The following ARFIP2 variants were observed in gnomAD, a reference collection of about 807,000 sequenced individuals.
The protein encoded by ARFIP2 is arfaptin-2.
A neutral mutation model predicts 39.2 loss-of-function variants in ARFIP2; 14 were observed. The observed-to-expected ratio is 0.36, with a 90% CI of 0.24 to 0.56. The LOEUF (loss-of-function observed/expected upper bound fraction) is 0.56. Ranked by LOEUF, ARFIP2 falls within the 20% of genes least tolerant of loss-of-function variation. The pLI is 0.85. For synonymous variants in ARFIP2, 167 were observed against 172.4 expected (o/e 0.97, Z 0.24); for missense variants, 305 against 422.5 (o/e 0.72, Z 2.44).
Position 6,480,435 on chromosome 11 carries a change from A to G in ARFIP2, c.-14T>C. 1.9e-6 allele frequency: 3 copies of G among 1,600,462 alleles called. No homozygotes were observed. Among genetic ancestry groups the G allele is most frequent in the Non-Finnish European group, 2.6e-6 (3 of 1,173,084 alleles). On this transcript the variant is annotated 5_prime_UTR_variant, in exon 2 of 8. Coordinates refer to ENST00000396777, the MANE Select transcript of ARFIP2 (RefSeq NM_001376558.2). ...CCCGTCCGTCATGGCTAGGAAAGGT[A>G]TTGGAGTAAAACTCTCCACCCCAGC...
chr11:6,477,330 C>A lies in ARFIP2; in HGVS notation c.871-62G>T. 6.4e-7 allele frequency: 1 copy of A among 1,558,076 alleles called. No homozygotes were observed. The highest frequency in any genetic ancestry group is 8.7e-7 in the Non-Finnish European group (1 of 1,151,308). ...GGCGCCCTTCTTGAGGGTCTATGAG[C>A]CTGAGCCCAGGCACAGACCAGGGGC... On this transcript the variant is annotated intron_variant, in intron 7 of 7. Coordinates refer to ENST00000396777, the MANE Select transcript of ARFIP2 (RefSeq NM_001376558.2). The surrounding 1 kb of genome is among the most constrained non-coding windows in gnomAD (Gnocchi z 4.8).
In ARFIP2 at chr11:6,477,044, C is replaced by T; in HGVS notation, c.*69G>A. Reference sequence around the variant, plus strand: ...CAAGTGACAAAGGATGTACCATGTCCAATCTCCCACACCCTGGGGCTGCCC... The same window carrying T: ...CAAGTGACAAAGGATGTACCATGTCTAATCTCCCACACCCTGGGGCTGCCC... On this transcript the variant is annotated 3_prime_UTR_variant, in exon 8 of 8. Transcript: ENST00000396777. The surrounding 1 kb of genome is among the most constrained non-coding windows in gnomAD (Gnocchi z 4.8). The T allele has an allele frequency of 2.7e-6, 4 of 1,500,890 alleles. No individual in the cohort carries two copies. The highest frequency in any genetic ancestry group is 3.6e-6 in the Non-Finnish European group (4 of 1,115,862). 93.0% of individuals were successfully genotyped at this position (1,500,890 alleles called of 1,614,324 possible). A position where few individuals can be genotyped will look rare whatever the true frequency, so the allele number is the denominator to read the frequency against.
chr11:6,478,118 AAAG>A lies in ARFIP2; in HGVS notation c.615_617del (p.Phe206del). On this transcript the variant is annotated inframe_deletion, in exon 6 of 8. Coordinates refer to ENST00000396777, the MANE Select transcript of ARFIP2 (RefSeq NM_001376558.2). This position sits in a 1 kb window ranked among gnomAD's most constrained non-coding sequence, Gnocchi z 4.8. ...TGACCAATGTGTTGATGCTAGAGAC[AAAG>A]AAGTTCACGGCTCCTAGCAGCGTTT... The A allele has an allele frequency of 6.2e-7, 1 of 1,614,048 alleles. No individual in the cohort carries two copies. Among genetic ancestry groups the A allele is most frequent in the East Asian group, 2.2e-5 (1 of 44,878 alleles).
At position 6,476,990 on chromosome 11, in the gene ARFIP2, A is replaced by G; in HGVS notation, c.*123T>C. ...GTGGGCAAAACTGGTGTCAGGCCCC[A>G]GCCAGAAAAAGGAGCCCAAGCCAGA... On this transcript the variant is annotated 3_prime_UTR_variant, in exon 8 of 8. Coordinates refer to ENST00000396777, the MANE Select transcript of ARFIP2 (RefSeq NM_001376558.2). The G allele has an allele frequency of 6.6e-6, 8 of 1,215,868 alleles. No homozygotes were observed. Among genetic ancestry groups the G allele is most frequent in the Non-Finnish European group, 8.9e-6 (8 of 896,014 alleles). 75.3% of individuals were successfully genotyped at this position (1,215,868 alleles called of 1,614,324 possible).
At chr11:6,481,203 T>C in intron 1 of ARFIP2, 28 bp downstream of exon 1, 1 of 551,182 alleles carries the variant, frequency 1.8e-6, no homozygotes, top group Non-Finnish European at 3.2e-6. Flanking sequence ...GCGTTCAACT[T>C]CCCGTCGCCC....
rs997636429 is a variant in ARFIP2, at chr11:6,478,285, G to A, written c.538-87C>T. The A allele has an allele frequency of 8.6e-6, 13 of 1,514,614 alleles. No individual in the cohort carries two copies. In the African/African-American group the frequency reaches 9.6e-5, roughly 11 times the overall value. 93.8% of individuals were successfully genotyped at this position (1,514,614 alleles called of 1,614,324 possible). A position where few individuals can be genotyped will look rare whatever the true frequency, so the allele number is the denominator to read the frequency against. On this transcript the variant is annotated intron_variant, in intron 5 of 7. Transcript: ENST00000396777. The surrounding 1 kb of genome is among the most constrained non-coding windows in gnomAD (Gnocchi z 4.8). ...GCCCTTCATTCCCCTCCTCCCCGGG[G>A]AGGACACAGCCAGCAAAACTGGAAC...
chr11:6,478,135 C>G lies in ARFIP2; in HGVS notation c.601G>C (p.Gly201Arg). The G allele has an allele frequency of 6.2e-7, 1 of 1,614,122 alleles. No homozygotes were observed. The highest frequency in any genetic ancestry group is 8.5e-7 in the Non-Finnish European group (1 of 1,180,016). The change falls in exon 6 of 8, where the codon GGA becomes CGA. Residue 201 changes from glycine (G) to arginine (R), a missense_variant. This residue lies in a region of ARFIP2 where 42 missense variants were observed against 101.2 expected (regional missense o/e 0.42). Transcript: ENST00000396777. The surrounding 1 kb of genome is among the most constrained non-coding windows in gnomAD (Gnocchi z 4.8). ...LLCKNGETLL[G>R]AVNFFVSSIN... ...CTAGAGACAAAGAAGTTCACGGCTC[C>G]TAGCAGCGTTTCCCCATTCTTGCAT...
chr11:6,478,957 G>A lies in ARFIP2; in HGVS notation c.318C>T (p.Cys106=), dbSNP rs770112599. ...ATCGTTCTGATAACAGTTGCTTTGT[G>A]CACTGATTGGGAAATGGGGGAATAA... The part of the protein sequence containing the change: ...VKKWGINTYK[C]TKQLLSERFG... Residue 106 remains cysteine (C), a splice_region_variant and synonymous_variant, in exon 5 of 8, where the codon TGC becomes TGT. Transcript: ENST00000396777. This position sits in a 1 kb window ranked among gnomAD's most constrained non-coding sequence, Gnocchi z 4.8. The A allele has an allele frequency of 2.5e-6, 4 of 1,613,832 alleles. No homozygotes were observed. The South Asian group carries it at 4.4e-5, about 18-fold the overall frequency.
At position 6,478,795 on chromosome 11, in the gene ARFIP2, G is replaced by A; in HGVS notation, c.480C>T (p.Thr160=). ...LTAHLYSLLQ[T]QHALGDAFAD... ...CAAAGGCATCACCCAGTGCATGCTG[G>A]GTCTGCAGCAGGCTGTAGAGGTGGG... The change falls in exon 5 of 8, where the codon ACC becomes ACT. Residue 160 remains threonine, a synonymous_variant. Coordinates refer to ENST00000396777, the MANE Select transcript of ARFIP2 (RefSeq NM_001376558.2). This position sits in a 1 kb window ranked among gnomAD's most constrained non-coding sequence, Gnocchi z 4.8. The A allele has an allele frequency of 6.2e-7, 1 of 1,614,102 alleles. No homozygotes were observed. The highest frequency in any genetic ancestry group is 8.5e-7 in the Non-Finnish European group (1 of 1,179,974).
chr11:6,480,861 C>A, intron 1 of ARFIP2: 1 of 172,042 alleles, frequency 5.8e-6, no homozygotes, highest in Non-Finnish European at 1.2e-5. Flanking sequence ...GGGCTCAGGT[C>A]TTCACCCCCC....
chr11:6,480,217 G>T, intron 2 of ARFIP2, 106 bp downstream of exon 2: 1 of 1,294,478 alleles, frequency 7.7e-7, no homozygotes, highest in East Asian at 2.4e-5. Context: ...AAGAATGAAG[G>T]GAGTCAGATA....
chr11:6,479,702 G>A, intron 3 of ARFIP2: 1 of 549,338 alleles, frequency 1.8e-6, no homozygotes, highest in Non-Finnish European at 3.2e-6. Flanking sequence ...CTGTAGAGGG[G>A]GGGCATTCCT....
Position 6,478,801 on chromosome 11 carries a change from C to T in ARFIP2, c.474G>A (p.Leu158=). The T allele has an allele frequency of 1.2e-6, 2 of 1,614,166 alleles. No homozygotes were observed. The highest frequency in any genetic ancestry group is 1.7e-6 in the Non-Finnish European group (2 of 1,180,006). The part of the protein sequence containing the change: ...RALTAHLYSL[L]QTQHALGDAF... ...CATCACCCAGTGCATGCTGGGTCTGCAGCAGGCTGTAGAGGTGGGCTGTCA... is the reference window on the plus strand; with the variant it reads ...CATCACCCAGTGCATGCTGGGTCTGTAGCAGGCTGTAGAGGTGGGCTGTCA... Residue 158 remains leucine, a synonymous_variant, in exon 5 of 8, where the codon CTG becomes CTA. Transcript: ENST00000396777. The surrounding 1 kb of genome is among the most constrained non-coding windows in gnomAD (Gnocchi z 4.8).
Position 6,480,179 on chromosome 11 carries a change from T to C in ARFIP2, c.100-111A>G, listed in dbSNP as rs375627486. 19 of 1,282,926 alleles carry C rather than the reference T, an allele frequency of 1.5e-5. No individual in the cohort carries two copies. The African/African-American group carries it at 2.4e-4, about 16-fold the overall frequency. 79.5% of individuals were successfully genotyped at this position (1,282,926 alleles called of 1,614,324 possible). A position where few individuals can be genotyped will look rare whatever the true frequency, so the allele number is the denominator to read the frequency against. On this transcript the variant is annotated intron_variant, in intron 2 of 7. Transcript: ENST00000396777. The stretch of plus-strand genomic sequence containing the variant: ...TCATAAAGATAGTACACAAGGGAAG[T>C]CTGCACAGAATCAAAATGATACGTA...
chr11:6,478,306 G>A lies in ARFIP2; in HGVS notation c.538-108C>T. On this transcript the variant is annotated intron_variant, in intron 5 of 7. Transcript: ENST00000396777. This position sits in a 1 kb window ranked among gnomAD's most constrained non-coding sequence, Gnocchi z 4.8. The stretch of plus-strand genomic sequence containing the variant: ...CGGGGAGGACACAGCCAGCAAAACT[G>A]GAACAACCAAGGACTGCCTCCAGCA... 1.4e-6 allele frequency: 2 copies of A among 1,386,100 alleles called. No individual in the cohort carries two copies. The highest frequency in any genetic ancestry group is 2.0e-6 in the Non-Finnish European group (2 of 1,002,256). 85.9% of individuals were successfully genotyped at this position (1,386,100 alleles called of 1,614,324 possible).
At chr11:6,480,650 G>A (rs781447143) in intron 1 of ARFIP2, 187 bp from the exon 2 acceptor site, 64 of 464,126 alleles carry the variant, frequency 1.4e-4, no homozygotes, top group Middle Eastern at 1.1e-3. Flanking sequence ...ACCAAAGCAC[G>A]GTGTCTTCTC....
Position 6,480,326 on chromosome 11 carries a change from C to G in ARFIP2, c.96G>C (p.Glu32Asp). 1.9e-6 allele frequency: 3 copies of G among 1,612,830 alleles called. No individual in the cohort carries two copies. Among genetic ancestry groups the G allele is most frequent in the Middle Eastern group, 3.3e-4 (2 of 6,062 alleles). Reference protein sequence around the residue: ...ARQLPEDDGLEQDLQQVMVSG... With the variant: ...ARQLPEDDGLDQDLQQVMVSG... ...TAGAAGAATCAAACAGAAGCACCTG[C>G]TCCAGCCCATCATCTTCAGGAAGCT... Residue 32 changes from glutamate to aspartate, a missense_variant, in exon 2 of 8, where the codon GAG (glutamate) becomes GAC (aspartate). Physicochemically the swap from Glu to Asp is conservative, Grantham distance 45. Coordinates refer to ENST00000396777, the MANE Select transcript of ARFIP2 (RefSeq NM_001376558.2).
chr11:6,479,351 G>C (rs777821545), intron 3 of ARFIP2, 93 bp from the exon 4 acceptor site: 2 of 1,607,120 alleles, frequency 1.2e-6, no homozygotes, highest in African/African-American at 1.3e-5. Context: ...ACATGAAATT[G>C]ACTTCCCTGA....
rs1369171364 is a variant in ARFIP2 at position 6,477,562 on chromosome 11, G to C, written c.870+156C>G. Among the ~76,000 whole-genome samples, 2 of 152,144 alleles carry C rather than the reference G, an allele frequency of 1.3e-5. No individual in the cohort carries two copies. Among genetic ancestry groups the C allele is most frequent in the African/African-American group, 2.4e-5 (1 of 41,426 alleles). ...CAACAGGAAAGGGCCAGGAATTGGA[G>C]GGAGGGTGATCTGGAAAGGCCCAGG... On this transcript the variant is annotated intron_variant, in intron 7 of 7. Coordinates refer to ENST00000396777, the MANE Select transcript of ARFIP2 (RefSeq NM_001376558.2). The surrounding 1 kb of genome is among the most constrained non-coding windows in gnomAD (Gnocchi z 4.8).
Sources: gnomAD v4.1 joint callset for allele counts (sites outside exome capture counted in the v4.1 genomes callset) on GRCh38, gnomAD v4.1.1 for gene constraint, gnomAD v4.1.1 regional missense constraint, Gnocchi (gnomAD v3.1) non-coding constraint, MANE v1.5 for transcripts, NCBI Gene and HGNC (gene_info 2026-07-23, HGNC 2026-07-21) for gene names.